DCAF10: variants seen among roughly 807,000 people sequenced by gnomAD.
DCAF10 encodes DDB1- and CUL4-associated factor 10.
In DCAF10, 19 loss-of-function variants were observed where a neutral mutation model predicts 51.9. That is an observed-to-expected ratio of 0.37 (90% CI 0.26 to 0.54). The LOEUF is 0.54. DCAF10 is among the 20% of genes least tolerant of loss of function. DCAF10 has a pLI of 0.87. For synonymous variants in DCAF10, 291 were observed against 297.1 expected (o/e 0.98, Z 0.21); for missense variants, 510 against 730.6 (o/e 0.70, Z 3.48).
chr9:37,801,385 CCTCGAGTA>C lies in DCAF10; in HGVS notation c.524_531del (p.Glu175AlafsTer11). 6.5e-7 allele frequency: 1 copy of C among 1,527,994 alleles called. No individual in the cohort carries two copies. Among genetic ancestry groups the C allele is most frequent in the Non-Finnish European group, 8.8e-7 (1 of 1,137,060 alleles). 94.7% of individuals were successfully genotyped at this position (1,527,994 alleles called of 1,614,324 possible). A position where few individuals can be genotyped will look rare whatever the true frequency, so the allele number is the denominator to read the frequency against. The stretch of plus-strand genomic sequence containing the variant: ...CCCGCACCCACGGCGCCGTCTTCAA[CCTCGAGTA>C]CTCGCCCGACGGGTAAGCGCGGCCC... On this transcript the variant is annotated frameshift_variant, in exon 1 of 7. Transcript: ENST00000377724. LOFTEE classifies it high-confidence loss of function. This position sits in a 1 kb window ranked among gnomAD's most constrained non-coding sequence, Gnocchi z 5.5.
intron 1 of DCAF10, among the ~76,000 whole-genome samples, chr9:37,818,360 A>G (rs1338263988): frequency 6.6e-6 from 1 of 152,144 alleles, no homozygotes; most frequent in African/African-American, 2.4e-5. Context: ...CTGAATAGAA[A>G]AGTTTTTGGC....
intron 3 of DCAF10, among the ~76,000 whole-genome samples, chr9:37,847,174 A>C (rs1340210904): frequency 6.7e-6 from 1 of 149,762 alleles, no homozygotes; most frequent in African/African-American, 2.5e-5. Context: ...AATCATGTGA[A>C]CCCAGAAGGT....
At chr9:37,860,295 C>T (rs886556131) in intron 6 of DCAF10, 102 bp downstream of exon 6, 24 of 1,436,908 alleles carry the variant, frequency 1.7e-5, no homozygotes, top group Admixed American at 4.0e-5. Context: ...TCTCTGCCTT[C>T]AAGGGCATAC....
rs962808564 is a variant in DCAF10, at chr9:37,810,251, AT to A, written c.539+8848del. ...AATAATCAGAAAAGCTAGAGAAAAT[AT>A]TAAATATTTAATGTAAGATATAGAA... On this transcript the variant is annotated intron_variant, in intron 1 of 6. Transcript: ENST00000377724. 5.9e-5 allele frequency among the ~76,000 whole-genome samples: 9 copies of A among 152,156 alleles called. 1 individual carries two copies.
At chr9:37,835,233 A>T (rs1830121184) in intron 2 of DCAF10, among the ~76,000 whole-genome samples, 1 of 152,078 alleles carries the variant, frequency 6.6e-6, no homozygotes, top group Admixed American at 6.6e-5. Context: ...TCAGGAGTTC[A>T]AAACCCACTT....
chr9:37,837,025 A>G (rs1830186206), intron 2 of DCAF10, among the ~76,000 whole-genome samples: 1 of 152,170 alleles, frequency 6.6e-6, no homozygotes, highest in South Asian at 2.1e-4. Context: ...GGTTACTGTA[A>G]TGGAATTTAT....
At chr9:37,806,263 G>A (rs536674838) in intron 1 of DCAF10, among the ~76,000 whole-genome samples, 2 of 152,296 alleles carry the variant, frequency 1.3e-5, no homozygotes, top group African/African-American at 4.8e-5. Context: ...AGCCTGTTAA[G>A]TGTCATCTTA....
chr9:37,809,518 G>A (rs1829263710), intron 1 of DCAF10, among the ~76,000 whole-genome samples: 1 of 152,092 alleles, frequency 6.6e-6, no homozygotes, highest in Non-Finnish European at 1.5e-5. Flanking sequence ...CTAAGAAAAT[G>A]CACAGATAAT....
chr9:37,812,155 C>T (rs560437933), intron 1 of DCAF10, among the ~76,000 whole-genome samples: 2 of 139,498 alleles, frequency 1.4e-5, no homozygotes, highest in Admixed American at 7.2e-5. Flanking sequence ...ATTCCAGCGC[C>T]ACCACACTCC....
chr9:37,823,942 G>A (rs1051777454), intron 2 of DCAF10, among the ~76,000 whole-genome samples: 83 of 145,946 alleles, frequency 5.7e-4, no homozygotes, highest in African/African-American at 2.0e-3. Flanking sequence ...GTGCAGTGGC[G>A]TGATCTCAGC....
At chr9:37,819,943 T>G (rs971764996) in intron 2 of DCAF10, among the ~76,000 whole-genome samples, 2 of 152,164 alleles carry the variant, frequency 1.3e-5, no homozygotes, top group Non-Finnish European at 2.9e-5. Context: ...CATAGCAACA[T>G]AGACAAATGC....
intron 1 of DCAF10, among the ~76,000 whole-genome samples, chr9:37,803,878 A>G (rs1376827050): frequency 6.6e-6 from 1 of 151,260 alleles, no homozygotes; most frequent in Non-Finnish European, 1.5e-5. Context: ...TTTAATAGAG[A>G]CCACAATATA....
chr9:37,855,028 A>C, intron 4 of DCAF10, 46 bp downstream of exon 4: 3 of 1,520,934 alleles, frequency 2.0e-6, no homozygotes, highest in Non-Finnish European at 2.7e-6. Context: ...CGAGAATCTC[A>C]AACATAGAGA....
At chr9:37,859,515 T>C (rs1274748881) in intron 5 of DCAF10, among the ~76,000 whole-genome samples, 1 of 152,216 alleles carries the variant, frequency 6.6e-6, no homozygotes. Flanking sequence ...ATGTGAGGTG[T>C]CCTTTCTTAC....
At chr9:37,853,929 T>C (rs547846332) in intron 3 of DCAF10, among the ~76,000 whole-genome samples, 2 of 152,082 alleles carry the variant, frequency 1.3e-5, no homozygotes, top group Admixed American at 6.6e-5. Context: ...TTTTAAAAAT[T>C]GTTTTCTGTG....
At chr9:37,814,396 C>G (rs1271533038) in intron 1 of DCAF10, among the ~76,000 whole-genome samples, 4 of 148,818 alleles carry the variant, frequency 2.7e-5, no homozygotes, top group Non-Finnish European at 5.9e-5. Context: ...GATCCGCCCG[C>G]CTCGGCCTCC....
Position 37,866,637 on chromosome 9 carries a change from G to C in DCAF10, c.*5129G>C, listed in dbSNP as rs567251691. The stretch of plus-strand genomic sequence containing the variant: ...AGTAAGAGCTGGACAAACTCTGGGG[G>C]GACACAGTCTTTGAGACAGCTCTTT... On this transcript the variant is annotated 3_prime_UTR_variant, in exon 7 of 7. Transcript: ENST00000377724. The C allele has an allele frequency of 1.6e-4, 24 of 152,596 alleles. No homozygotes were observed. The highest frequency in any genetic ancestry group is 5.1e-4 in the African/African-American group (21 of 41,530). The allele number at this position is 152,596 out of a possible 1,614,324, so 9.5% of individuals were successfully genotyped here.
intron 1 of DCAF10, among the ~76,000 whole-genome samples, chr9:37,807,608 T>A (rs1306155083): frequency 6.6e-6 from 1 of 151,850 alleles, no homozygotes; most frequent in Non-Finnish European, 1.5e-5. Flanking sequence ...AAAATGTTTT[T>A]AAATTTTATT....
chr9:37,836,066 T>A (rs752814374), intron 2 of DCAF10: 2 of 1,146,056 alleles, frequency 1.7e-6, no homozygotes, highest in East Asian at 4.7e-5. Context: ...TGGACAGTTA[T>A]GAATATTTTG....
Sources: allele counts gnomAD v4.1 joint callset (sites outside exome capture counted in the v4.1 genomes callset), GRCh38; gene constraint gnomAD v4.1.1; non-coding constraint Gnocchi (gnomAD v3.1); transcripts MANE v1.5; gene names NCBI Gene and HGNC (gene_info 2026-07-23, HGNC 2026-07-21).